The following CPB1 variants were observed in gnomAD, a reference collection of about 807,000 sequenced individuals.
CPB1 encodes carboxypeptidase B.
In CPB1, 53 loss-of-function variants were observed where a neutral mutation model predicts 51.4. The ratio of observed to expected loss-of-function variants is 1.03; its 90% confidence interval spans 0.83 to 1.30. CPB1 has a LOEUF of 1.30. Among genes scored for constraint, CPB1 ranks in the 50% most tolerant of loss-of-function variants. The pLI is 0.00. For missense variants in CPB1, 494 were observed against 516.2 expected (o/e 0.96, Z 0.42); for synonymous variants, 189 against 186.9 (o/e 1.01, Z -0.09).
At chr3:148,854,425 C>T (rs558247733) in intron 9 of CPB1, 3 of 151,576 alleles carry the variant, frequency 2.0e-5, no homozygotes, top group African/African-American at 7.3e-5. Flanking sequence ...CTTTTTTTGT[C>T]TTTTGGCCTT....
chr3:148,836,640 G>A (rs1712914106), intron 3 of CPB1, among the ~76,000 whole-genome samples: 1 of 152,066 alleles, frequency 6.6e-6, no homozygotes, highest in Non-Finnish European at 1.5e-5. Context: ...TAGAACATAG[G>A]ACATCCCCTG....
intron 9 of CPB1, chr3:148,851,904 T>G (rs1316726841): frequency 1.3e-5 from 2 of 152,018 alleles, no homozygotes; most frequent in Admixed American, 1.3e-4. Flanking sequence ...ACCTGGAAAA[T>G]AGGATTGCAG....
Position 148,859,808 on chromosome 3 carries a change from A to T in CPB1, c.1067-7A>T. The T allele has an allele frequency of 6.2e-7, 1 of 1,604,460 alleles. No individual in the cohort carries two copies. The highest frequency in any genetic ancestry group is 1.1e-5 in the South Asian group (1 of 89,532). The stretch of plus-strand genomic sequence containing the variant: ...AGTTTTTTTTCACTGCTGTTTGCAC[A>T]TTTCAGATCCTGCTGCTGGGGGCTC... On this transcript the variant is annotated splice_region_variant and splice_polypyrimidine_tract_variant and intron_variant, in intron 10 of 10. Coordinates refer to ENST00000282957, the MANE Select transcript of CPB1 (RefSeq NM_001871.3).
chr3:148,831,627 C>T (rs1273916942), intron 2 of CPB1, among the ~76,000 whole-genome samples: 1 of 152,106 alleles, frequency 6.6e-6, no homozygotes, highest in Non-Finnish European at 1.5e-5. Context: ...TGTTAGGCAG[C>T]CGGCTGATTA....
At chr3:148,855,214 A>C (rs1713539801) in intron 9 of CPB1, 1 of 152,192 alleles carries the variant, frequency 6.6e-6, no homozygotes, top group African/African-American at 2.4e-5. Flanking sequence ...TGGATATCAA[A>C]ATGAGAGAGC....
Position 148,845,605 on chromosome 3 carries a change from C to T in CPB1, c.960C>T (p.Leu320=), listed in dbSNP as rs151225556. ...ACCCTTACTCATATGCTTACAAACT[C>T]GGTGAGAACAATGCTGAGTTGGTAA... is the stretch of plus-strand genomic sequence containing the variant. ...MIYPYSYAYK[L]GENNAELNAL... The change falls in exon 9 of 11, where the codon CTC becomes CTT. Residue 320 remains leucine (L), a synonymous_variant. Transcript: ENST00000282957. The T allele has an allele frequency of 1.4e-5, 22 of 1,613,450 alleles. No homozygotes were observed. Among genetic ancestry groups the T allele is most frequent in the Admixed American group, 1.0e-4 (6 of 59,972 alleles).
In CPB1 at chr3:148,830,209, T is replaced by C. The variant is rs548511827; in HGVS notation, c.147+2132T>C. On this transcript the variant is annotated intron_variant, in intron 2 of 10. Coordinates refer to ENST00000282957, the MANE Select transcript of CPB1 (RefSeq NM_001871.3). ...TGGGCTTCACCTGTTTTCGTGTTTA[T>C]AAAATCTAAAACTTGCCCCCTCTAC... 8.5e-5 allele frequency among the ~76,000 whole-genome samples: 13 copies of C among 152,318 alleles called. No homozygotes were observed. In the East Asian group the frequency reaches 2.5e-3, roughly 29 times the overall value.
At chr3:148,847,398 A>AAAG (rs1315945473) in intron 9 of CPB1, among the ~76,000 whole-genome samples, 2 of 129,038 alleles carry the variant, frequency 1.5e-5, no homozygotes, top group African/African-American at 2.9e-5. Context: ...AAAAAAAAAG[A>AAAG]CAAGTAAGTC....
intron 2 of CPB1, among the ~76,000 whole-genome samples, chr3:148,832,150 C>G (rs1712757558): frequency 6.6e-6 from 1 of 151,962 alleles, no homozygotes; most frequent in African/African-American, 2.4e-5. Context: ...ATTTATTTGC[C>G]CCATCTTAAA....
chr3:148,832,052 T>A (rs1453826097), intron 2 of CPB1, among the ~76,000 whole-genome samples: 1 of 152,084 alleles, frequency 6.6e-6, no homozygotes, highest in African/African-American at 2.4e-5. Context: ...TGTTGATAGG[T>A]TTGCTAACTG....
At chr3:148,855,983 G>A (rs966423309) in intron 9 of CPB1, 1 of 152,164 alleles carries the variant, frequency 6.6e-6, no homozygotes, top group African/African-American at 2.4e-5. Flanking sequence ...ATGTTTAACT[G>A]GTTCTGGTTT....
chr3:148,832,468 G>C (rs1016322116), intron 2 of CPB1, among the ~76,000 whole-genome samples: 2 of 152,076 alleles, frequency 1.3e-5, no homozygotes, highest in African/African-American at 4.8e-5. Flanking sequence ...AAAGATTCAA[G>C]GGAAAGAATT....
intron 9 of CPB1, among the ~76,000 whole-genome samples, chr3:148,852,565 C>G (rs2108020502): frequency 6.6e-6 from 1 of 152,332 alleles, no homozygotes; most frequent in Admixed American, 6.5e-5. Context: ...CTTCACAAAA[C>G]TTTACAATGT....
chr3:148,852,646 T>C (rs923175153), intron 9 of CPB1, among the ~76,000 whole-genome samples: 3 of 152,174 alleles, frequency 2.0e-5, no homozygotes, highest in African/African-American at 7.2e-5. Context: ...TGGGAGAAAC[T>C]CCACTTCCAC....
chr3:148,841,934 T>C lies in CPB1; in HGVS notation c.576+10T>C. 1.3e-6 allele frequency: 2 copies of C among 1,589,204 alleles called. No homozygotes were observed. Among genetic ancestry groups the C allele is most frequent in the Non-Finnish European group, 1.7e-6 (2 of 1,159,624 alleles). On this transcript the variant is annotated intron_variant, in intron 6 of 10. Coordinates refer to ENST00000282957, the MANE Select transcript of CPB1 (RefSeq NM_001871.3). ...GTGGTTTGTAAGAGAGGTCAGTGTG[T>C]AGAGTGGTTTTTGGCAAAGAGAAAT...
At chr3:148,858,017 A>G (rs1311596272) in intron 10 of CPB1, among the ~76,000 whole-genome samples, 1 of 152,210 alleles carries the variant, frequency 6.6e-6, no homozygotes, top group Non-Finnish European at 1.5e-5. Context: ...TAAGAGAACA[A>G]GAAAGTAAGA....
chr3:148,857,537 A>C lies in CPB1; in HGVS notation c.1062A>C (p.Thr354=). The C allele has an allele frequency of 6.2e-7, 1 of 1,613,064 alleles. No individual in the cohort carries two copies. The highest frequency in any genetic ancestry group is 1.1e-5 in the South Asian group (1 of 91,052). ...TKYTYGPGAT[T]IYPAAGGSDD... Reference sequence around the variant, plus strand: ...ACACATATGGCCCGGGAGCTACAACAATCTGTGAGTCTTGGCTTCAGAACT... The same window carrying C: ...ACACATATGGCCCGGGAGCTACAACCATCTGTGAGTCTTGGCTTCAGAACT... The change falls in exon 10 of 11, where the codon ACA becomes ACC. Residue 354 remains threonine (T), a synonymous_variant. Transcript: ENST00000282957.
intron 9 of CPB1, among the ~76,000 whole-genome samples, chr3:148,849,800 C>G (rs536262550): frequency 3.9e-5 from 6 of 152,354 alleles, no homozygotes; most frequent in African/African-American, 1.4e-4. Flanking sequence ...TTCTCATTTT[C>G]CAGCTGAGGC....
chr3:148,848,840 T>G (rs1220431092), intron 9 of CPB1, among the ~76,000 whole-genome samples: 2 of 152,216 alleles, frequency 1.3e-5, no homozygotes, highest in Non-Finnish European at 2.9e-5. Flanking sequence ...CTCTAAGATA[T>G]GTTTAGCAGA....
Sources: allele counts gnomAD v4.1 joint callset (sites outside exome capture counted in the v4.1 genomes callset), GRCh38; gene constraint gnomAD v4.1.1; transcripts MANE v1.5; gene names NCBI Gene and HGNC (gene_info 2026-07-23, HGNC 2026-07-21).